Variants in POMGNT2 observed in about 807,000 individuals in gnomAD.
The protein encoded by POMGNT2 is protein O-linked mannose N-acetylglucosaminyltransferase 2 (beta 1,4-).
A neutral mutation model predicts 37.8 loss-of-function variants in POMGNT2; 32 were observed. That is an observed-to-expected ratio of 0.85 (90% confidence interval 0.64 to 1.14). POMGNT2 has a LOEUF of 1.14. Ranked by LOEUF, POMGNT2 falls within the 50% of genes most tolerant of loss-of-function variation. POMGNT2 has a pLI of 0.00. For missense variants in POMGNT2, 705 were observed against 780.6 expected, an observed-to-expected ratio of 0.90 and a Z score of 1.15; for synonymous variants, 340 against 336.8, an observed-to-expected ratio of 1.01 and a Z score of -0.10.
Position 43,106,073 on chromosome 3 carries a change from C to A in POMGNT2, c.-343G>T, listed in dbSNP as rs1221098723. The stretch of plus-strand genomic sequence containing the variant: ...CCCGGCGGGCGAGCCCGGCGCGGAG[C>A]CTGTGCGCCTGCGCAGAGCCGCGAG... On this transcript the variant is annotated 5_prime_UTR_variant, in exon 1 of 2. Coordinates refer to ENST00000344697, the MANE Select transcript of POMGNT2 (RefSeq NM_032806.6). The A allele has an allele frequency of 6.6e-6, 1 of 151,810 alleles. No individual in the cohort carries two copies. Among genetic ancestry groups the A allele is most frequent in the South Asian group, 2.1e-4 (1 of 4,826 alleles). The allele number at this position is 151,810 out of a possible 1,614,324, so 9.4% of individuals were successfully genotyped here.
chr3:43,080,709 G>A lies in POMGNT2; in HGVS notation c.723C>T (p.Thr241=). The A allele has an allele frequency of 6.2e-7, 1 of 1,614,196 alleles. No individual in the cohort carries two copies. Among genetic ancestry groups the A allele is most frequent in the Non-Finnish European group, 8.5e-7 (1 of 1,180,058 alleles). ...GCTGCACAAAGCCATACTGGTACCAGGTAGTGATCTTGGAGAGGCCCACAA... is the reference window on the plus strand; with the variant it reads ...GCTGCACAAAGCCATACTGGTACCAAGTAGTGATCTTGGAGAGGCCCACAA... ...HAFVGLSKIT[T]WYQYGFVQPQ... is the part of the protein sequence containing the mutation. The change falls in exon 2 of 2, where the codon ACC becomes ACT. Residue 241 remains threonine (T), a synonymous_variant. Coordinates refer to ENST00000344697, the MANE Select transcript of POMGNT2 (RefSeq NM_032806.6).
At position 43,081,370 on chromosome 3, in the gene POMGNT2, T is replaced by C. The variant is rs1262200908; in HGVS notation, c.62A>G (p.Lys21Arg). 2 of 1,608,298 alleles carry C rather than the reference T, an allele frequency of 1.2e-6. No homozygotes were observed. Among genetic ancestry groups the C allele is most frequent in the Non-Finnish European group, 1.7e-6 (2 of 1,179,064 alleles). ...TGCATGCTCACGCAGCCGCACATGC[T>C]TCCACAGGACCGCTGCCAGCACCGA... The part of the protein sequence containing the change: ...LVSVLAAVLW[K>R]HVRLREHAAT... Residue 21 changes from lysine (K) to arginine (R), a missense_variant, in exon 2 of 2, where the codon AAG becomes AGG. Physicochemically the swap from Lys to Arg is conservative, Grantham distance 26. Coordinates refer to ENST00000344697, the MANE Select transcript of POMGNT2 (RefSeq NM_032806.6).
chr3:43,099,848 T>C (rs1009399300), intron 1 of POMGNT2, among the ~76,000 whole-genome samples: 2 of 152,122 alleles, frequency 1.3e-5, no homozygotes, highest in African/African-American at 4.8e-5. Flanking sequence ...ACTCCTCCCT[T>C]TCCTAATAAT....
chr3:43,097,360 CAG>C (rs768512688), intron 1 of POMGNT2, among the ~76,000 whole-genome samples: 3 of 152,150 alleles, frequency 2.0e-5, no homozygotes, highest in Non-Finnish European at 2.9e-5. Flanking sequence ...GCTCCCATAA[CAG>C]AATACCAGAC....
At chr3:43,081,666 T>C (rs2089857866) in intron 1 of POMGNT2, 130 bp from the exon 2 acceptor site, 4 of 529,188 alleles carry the variant, frequency 7.6e-6, no homozygotes, top group East Asian at 3.1e-5. Context: ...CTTGCAGCCA[T>C]TGTGCACATT....
intron 1 of POMGNT2, among the ~76,000 whole-genome samples, chr3:43,084,668 G>A (rs971627141): frequency 6.7e-6 from 1 of 149,966 alleles, no homozygotes; most frequent in Non-Finnish European, 1.5e-5. Flanking sequence ...AAAAAAAATT[G>A]TACTGTCCCA....
intron 1 of POMGNT2, among the ~76,000 whole-genome samples, chr3:43,095,319 G>A (rs184974341): frequency 1.4e-4 from 21 of 152,360 alleles, no homozygotes; most frequent in Admixed American, 5.9e-4. Flanking sequence ...TTTAGGATGT[G>A]CGGGTGGGCA....
At chr3:43,096,617 A>T (rs570709587) in intron 1 of POMGNT2, among the ~76,000 whole-genome samples, 67 of 152,170 alleles carry the variant, frequency 4.4e-4, no homozygotes, top group Non-Finnish European at 7.6e-4. Flanking sequence ...TTCCAGGGCC[A>T]CACAGACCAG....
chr3:43,103,888 G>A (rs1158336960), intron 1 of POMGNT2, among the ~76,000 whole-genome samples: 1 of 151,936 alleles, frequency 6.6e-6, no homozygotes, highest in Non-Finnish European at 1.5e-5. Flanking sequence ...TACTTCACAG[G>A]GTAGTTTTGT....
At chr3:43,083,134 C>A (rs1421939320) in intron 1 of POMGNT2, among the ~76,000 whole-genome samples, 1 of 152,132 alleles carries the variant, frequency 6.6e-6, no homozygotes, top group African/African-American at 2.4e-5. Flanking sequence ...CATATACTCC[C>A]CACCTCCAAA....
chr3:43,094,840 C>A (rs1214022924), intron 1 of POMGNT2, among the ~76,000 whole-genome samples: 4 of 152,202 alleles, frequency 2.6e-5, no homozygotes, highest in African/African-American at 9.6e-5. Flanking sequence ...CTCCTTTGTA[C>A]ACTTACTCTG....
intron 1 of POMGNT2, among the ~76,000 whole-genome samples, chr3:43,095,464 C>A (rs1447616091): frequency 6.6e-6 from 1 of 152,156 alleles, no homozygotes; most frequent in South Asian, 2.1e-4. Context: ...AAAAACAGAT[C>A]AGCCCTTTTC....
At chr3:43,082,876 C>T (rs1400790676) in intron 1 of POMGNT2, among the ~76,000 whole-genome samples, 2 of 152,180 alleles carry the variant, frequency 1.3e-5, no homozygotes, top group South Asian at 2.1e-4. Flanking sequence ...CCATGAAACA[C>T]GTGTAGGGGA....
chr3:43,089,289 C>T (rs2089923754), intron 1 of POMGNT2, among the ~76,000 whole-genome samples: 1 of 152,156 alleles, frequency 6.6e-6, no homozygotes, highest in Admixed American at 6.5e-5. Context: ...GTGGCTGTTT[C>T]CTGGAGCTTT....
intron 1 of POMGNT2, among the ~76,000 whole-genome samples, chr3:43,089,382 C>T (rs902766111): frequency 1.3e-5 from 2 of 152,190 alleles, no homozygotes; most frequent in African/African-American, 4.8e-5. Flanking sequence ...AAGGACACCA[C>T]ACAATCCAGT....
chr3:43,089,273 T>C (rs919571020), intron 1 of POMGNT2, among the ~76,000 whole-genome samples: 1 of 152,174 alleles, frequency 6.6e-6, no homozygotes, highest in Admixed American at 6.5e-5. Context: ...AAACAAGTCC[T>C]CTGGCGTGGC....
Position 43,080,268 on chromosome 3 carries a change from G to A in POMGNT2, c.1164C>T (p.Leu388=), listed in dbSNP as rs141218976. Residue 388 remains leucine (L), a synonymous_variant, in exon 2 of 2, where the codon CTC becomes CTT. Transcript: ENST00000344697. ...KTLAMLPGMD[L]QYVAWRNMMP... is the part of the protein sequence containing the mutation. ...TCATGTTCCGCCAGGCTACATACTG[G>A]AGGTCCATGCCAGGCAGCATGGCCA... 1 of 1,614,204 alleles carries A rather than the reference G, an allele frequency of 6.2e-7. No homozygotes were observed. Among genetic ancestry groups the A allele is most frequent in the East Asian group, 2.2e-5 (1 of 44,874 alleles).
intron 1 of POMGNT2, among the ~76,000 whole-genome samples, chr3:43,086,201 A>C (rs1021899804): frequency 2.6e-5 from 4 of 152,162 alleles, no homozygotes; most frequent in Non-Finnish European, 5.9e-5. Flanking sequence ...GCAGGCCATG[A>C]ATCACATTAC....
intron 1 of POMGNT2, among the ~76,000 whole-genome samples, chr3:43,104,976 T>C (rs1389354193): frequency 6.6e-6 from 1 of 152,142 alleles, no homozygotes; most frequent in Non-Finnish European, 1.5e-5. Flanking sequence ...GTAGTAAACA[T>C]TTGGTGAATG....
Sources: allele counts gnomAD v4.1 joint callset (sites outside exome capture counted in the v4.1 genomes callset), GRCh38; gene constraint gnomAD v4.1.1; transcripts MANE v1.5; gene names NCBI Gene and HGNC (gene_info 2026-07-23, HGNC 2026-07-21).